The following SPATA6 variants were observed in gnomAD, a reference collection of about 807,000 sequenced individuals.
SPATA6 encodes the protein spermatogenesis-associated protein 6.
A neutral mutation model predicts 65.3 loss-of-function variants in SPATA6; 56 were observed. The observed-to-expected ratio is 0.86, with a 90% CI of 0.69 to 1.07. SPATA6 has a LOEUF of 1.07. SPATA6 is among the 50% of genes least tolerant of loss of function. SPATA6 has a pLI of 0.00. For synonymous variants in SPATA6, 199 were observed against 213.2 expected (o/e 0.93, Z 0.58); for missense variants, 590 against 594.8 (o/e 0.99, Z 0.08).
chr1:48,422,794 G>A (rs1000105000), intron 3 of SPATA6, among the ~76,000 whole-genome samples: 1 of 152,118 alleles, frequency 6.6e-6, no homozygotes, highest in Admixed American at 6.6e-5. Flanking sequence ...GAAGTATTCA[G>A]CAATGTCAAC....
chr1:48,470,760 G>A (rs1165914428), intron 1 of SPATA6, among the ~76,000 whole-genome samples: 1 of 152,138 alleles, frequency 6.6e-6, no homozygotes, highest in African/African-American at 2.4e-5. Context: ...AGCCTGGCCA[G>A]TAGGGTGTAC....
At chr1:48,461,363 T>C (rs993479980) in intron 1 of SPATA6, among the ~76,000 whole-genome samples, 3 of 152,212 alleles carry the variant, frequency 2.0e-5, no homozygotes, top group Non-Finnish European at 2.9e-5. Flanking sequence ...TTTGTCAATT[T>C]TGGCTTTTGT....
intron 11 of SPATA6, chr1:48,325,365 A>G: frequency 1.5e-6 from 2 of 1,374,516 alleles, no homozygotes; most frequent in Non-Finnish European, 2.1e-6. Context: ...AAAGTTCTGC[A>G]TGCGCCTTCT....
chr1:48,322,915 G>A (rs922091313), intron 11 of SPATA6, among the ~76,000 whole-genome samples: 5 of 152,164 alleles, frequency 3.3e-5, no homozygotes, highest in Admixed American at 6.5e-5. Flanking sequence ...AAAAAGTCAC[G>A]AAATAACAGA....
At chr1:48,289,660 C>T in the SPATA6 span, among the ~76,000 whole-genome samples, 1 of 152,160 alleles carries the variant, frequency 6.6e-6, no homozygotes, top group Admixed American at 6.6e-5. Context: ...CTTAAATGAC[C>T]TGATGGAGCT....
At chr1:48,309,899 C>G (rs1645157527) in intron 11 of SPATA6, among the ~76,000 whole-genome samples, 1 of 152,176 alleles carries the variant, frequency 6.6e-6, no homozygotes, top group African/African-American at 2.4e-5. Context: ...ACACTTTCAA[C>G]ACTTAGCCTA....
At chr1:48,415,487 A>G (rs932497094) in intron 3 of SPATA6, among the ~76,000 whole-genome samples, 9 of 152,218 alleles carry the variant, frequency 5.9e-5, no homozygotes, top group Non-Finnish European at 1.3e-4. Context: ...TCACAAATAA[A>G]AAAGAAATAG....
At chr1:48,321,836 T>A (rs112382245) in intron 11 of SPATA6, among the ~76,000 whole-genome samples, 10 of 152,200 alleles carry the variant, frequency 6.6e-5, no homozygotes, top group African/African-American at 2.4e-4. Flanking sequence ...GGAATAAAAC[T>A]GGAAATCAAT....
chr1:48,434,360 A>T (rs1447854295), intron 3 of SPATA6, among the ~76,000 whole-genome samples: 1 of 151,746 alleles, frequency 6.6e-6, no homozygotes, highest in Non-Finnish European at 1.5e-5. Flanking sequence ...AGTGCTAGAA[A>T]GAAAAACAGT....
At chr1:48,419,817 T>C (rs1653151792) in intron 3 of SPATA6, among the ~76,000 whole-genome samples, 1 of 152,110 alleles carries the variant, frequency 6.6e-6, no homozygotes, top group African/African-American at 2.4e-5. Context: ...ATATCAATGA[T>C]AGAAATTAAA....
chr1:48,362,480 A>T (rs752163747), intron 9 of SPATA6, among the ~76,000 whole-genome samples: 46 of 152,116 alleles, frequency 3.0e-4, no homozygotes, highest in Non-Finnish European at 4.0e-4. Context: ...TTTATAGGTG[A>T]CTACCACTGA....
At chr1:48,358,955 G>C (rs1646733167) in intron 10 of SPATA6, among the ~76,000 whole-genome samples, 1 of 152,208 alleles carries the variant, frequency 6.6e-6, no homozygotes, top group African/African-American at 2.4e-5. Flanking sequence ...ACTTAACCAG[G>C]ATTGATTTCT....
At position 48,411,461 on chromosome 1, in the gene SPATA6, T is replaced by A; in HGVS notation, c.405+3A>T. On this transcript the variant is annotated splice_donor_region_variant and intron_variant, in intron 5 of 12. Transcript: ENST00000371847. ...ACTGATTCAGAAAATTGCAAGCACTTACTCGAAGGCCAGAAATCCTCCTCA... is the reference window on the plus strand; with the variant it reads ...ACTGATTCAGAAAATTGCAAGCACTAACTCGAAGGCCAGAAATCCTCCTCA... 1 of 1,605,266 alleles carries A rather than the reference T, an allele frequency of 6.2e-7. No individual in the cohort carries two copies. The highest frequency in any genetic ancestry group is 8.5e-7 in the Non-Finnish European group (1 of 1,175,460).
Position 48,436,264 on chromosome 1 carries a change from C to T in SPATA6, c.238+15288G>A, listed in dbSNP as rs113740391. The T allele has an allele frequency of 2.8e-3, 4,520 of 1,613,696 alleles. 99 individuals are homozygous for T. In the African/African-American group the frequency reaches 0.053, roughly 19 times the overall value. On this transcript the variant is annotated intron_variant, in intron 3 of 12. Coordinates refer to ENST00000371847, the MANE Select transcript of SPATA6 (RefSeq NM_019073.4). Reference sequence around the variant, plus strand: ...AAATCTGGAAAACTGCAATGAAGAACGCCTGAAAGCTTTACAGAAAGCCGT... The same window carrying T: ...AAATCTGGAAAACTGCAATGAAGAATGCCTGAAAGCTTTACAGAAAGCCGT...
chr1:48,360,731 G>A (rs929071218), intron 9 of SPATA6, among the ~76,000 whole-genome samples: 3 of 152,090 alleles, frequency 2.0e-5, no homozygotes, highest in Non-Finnish European at 4.4e-5. Context: ...GTCTGCAGAG[G>A]GGCCAAGGGC....
Position 48,296,970 on chromosome 1 carries a change from A to C in SPATA6, c.*1743T>G, listed in dbSNP as rs1439823184. 1 of 151,990 alleles carries C rather than the reference A, an allele frequency of 6.6e-6. No homozygotes were observed. Among genetic ancestry groups the C allele is most frequent in the East Asian group, 1.9e-4 (1 of 5,188 alleles). 9.4% of individuals were successfully genotyped at this position (151,990 alleles called of 1,614,324 possible). On this transcript the variant is annotated 3_prime_UTR_variant, in exon 13 of 13. Transcript: ENST00000371847. ...ATGCAGAGTAAGACAGATTTATACC[A>C]GAATTTTCTTAAAGCCTCGAACAAG...
chr1:48,381,669 AAT>A (rs1648617768), intron 9 of SPATA6, among the ~76,000 whole-genome samples: 1 of 119,956 alleles, frequency 8.3e-6, no homozygotes, highest in Admixed American at 9.4e-5. Context: ...TTTTTATATG[AAT>A]AGTTAAATTT....
At chr1:48,329,628 T>A (rs1645857829) in intron 11 of SPATA6, among the ~76,000 whole-genome samples, 1 of 152,206 alleles carries the variant, frequency 6.6e-6, no homozygotes, top group African/African-American at 2.4e-5. Flanking sequence ...CTTGTGTGTG[T>A]CACTGTCATG....
chr1:48,467,307 C>T (rs1301611366), intron 1 of SPATA6, among the ~76,000 whole-genome samples: 1 of 151,926 alleles, frequency 6.6e-6, no homozygotes, highest in Non-Finnish European at 1.5e-5. Context: ...AAAAAGTAAG[C>T]ATGGAAGGGG....
Sources: allele counts gnomAD v4.1 joint callset (sites outside exome capture counted in the v4.1 genomes callset), GRCh38; gene constraint gnomAD v4.1.1; transcripts MANE v1.5; gene names NCBI Gene and HGNC (gene_info 2026-07-23, HGNC 2026-07-21).